The following COL9A1 variants were observed in gnomAD, a reference collection of about 807,000 sequenced individuals.
COL9A1 encodes the protein collagen alpha-1(IX) chain.
A neutral mutation model predicts 142.6 loss-of-function variants in COL9A1; 104 were observed. That is an observed-to-expected ratio of 0.73 (90% confidence interval 0.62 to 0.86). The LOEUF is 0.86. Ranked by LOEUF, COL9A1 falls within the 40% of genes least tolerant of loss-of-function variation. The pLI is 0.00. For synonymous variants in COL9A1, 466 were observed against 396.0 expected (o/e 1.18, Z -2.10); for missense variants, 1,210 against 1,176.6 (o/e 1.03, Z -0.42).
chr6:70,302,807 G>T, intron 1 of COL9A1, 104 bp downstream of exon 1: 1 of 1,244,112 alleles, frequency 8.0e-7, no homozygotes, highest in Non-Finnish European at 1.2e-6. Flanking sequence ...TCACCTTGAG[G>T]CTCACCTACT....
chr6:70,275,363 T>TA (rs766148487), intron 10 of COL9A1, among the ~76,000 whole-genome samples: 13 of 152,176 alleles, frequency 8.5e-5, no homozygotes, highest in Non-Finnish European at 1.8e-4. Flanking sequence ...ATTCTTAAAG[T>TA]AGAAACATTT....
At chr6:70,261,159 A>G (rs937927996) in intron 19 of COL9A1, 6 of 169,682 alleles carry the variant, frequency 3.5e-5, no homozygotes, top group African/African-American at 1.4e-4. Context: ...AGGCTAGCCC[A>G]CGAAAGCCTA....
At chr6:70,223,197 A>G (rs372302835) in intron 37 of COL9A1, among the ~76,000 whole-genome samples, 1 of 152,176 alleles carries the variant, frequency 6.6e-6, no homozygotes, top group African/African-American at 2.4e-5. Context: ...CTGGGGCCCA[A>G]CTTTGCCCTC....
chr6:70,234,846 C>A lies in COL9A1; in HGVS notation c.2207G>T (p.Gly736Val). The A allele has an allele frequency of 1.9e-6, 3 of 1,614,166 alleles. No individual in the cohort carries two copies. Among genetic ancestry groups the A allele is most frequent in the Non-Finnish European group, 2.5e-6 (3 of 1,180,018 alleles). The change falls in exon 34 of 38, where the codon GGT (glycine) becomes GTT (valine). Residue 736 changes from glycine to valine, a missense_variant. Physicochemically the swap from Gly to Val is moderately radical, Grantham distance 109. Coordinates refer to ENST00000357250, the MANE Select transcript of COL9A1 (RefSeq NM_001851.6). ...EGPRGPPGPRGVQGEQGATGL... is the reference protein window; with the variant it reads ...EGPRGPPGPRVVQGEQGATGL... ...GGTGGCACCCTGTTCTCCCTGCACACCCCGGGGTCCAGGTGGTCCTCTTGG... is the reference window on the plus strand; with the variant it reads ...GGTGGCACCCTGTTCTCCCTGCACAACCCGGGGTCCAGGTGGTCCTCTTGG...
chr6:70,267,577 C>A (rs1463350649), intron 17 of COL9A1, among the ~76,000 whole-genome samples: 1 of 151,974 alleles, frequency 6.6e-6, no homozygotes, highest in Admixed American at 6.6e-5. Flanking sequence ...CCACCTCGGC[C>A]TCCCAAAGTG....
At chr6:70,233,886 T>C (rs920787296) in intron 35 of COL9A1, among the ~76,000 whole-genome samples, 14 of 152,240 alleles carry the variant, frequency 9.2e-5, no homozygotes, top group Non-Finnish European at 1.9e-4. Flanking sequence ...GCTTCAGTGT[T>C]ACAGAACTCC....
rs150615246 is a variant in COL9A1, at chr6:70,238,467, C to T, written c.2112+787G>A. On this transcript the variant is annotated intron_variant, in intron 33 of 37. Coordinates refer to ENST00000357250, the MANE Select transcript of COL9A1 (RefSeq NM_001851.6). ...CAAAAATGAACAAGATCGTTTTCTA[C>T]TTCTAATAATTTGCTATTATATTTT... Among the ~76,000 whole-genome samples, 564 of 152,314 alleles carry T rather than the reference C, an allele frequency of 3.7e-3. 6 individuals carry two copies. Among genetic ancestry groups the T allele is most frequent in the African/African-American group, 0.012 (485 of 41,558 alleles).
intron 5 of COL9A1, among the ~76,000 whole-genome samples, chr6:70,285,996 C>G (rs1226781487): frequency 6.6e-6 from 1 of 152,158 alleles, no homozygotes; most frequent in Non-Finnish European, 1.5e-5. Flanking sequence ...TCAGGCGATT[C>G]TCCTGCCTCA....
chr6:70,269,705 A>C, intron 15 of COL9A1, 40 bp from the exon 16 acceptor site: 1 of 1,314,884 alleles, frequency 7.6e-7, no homozygotes, highest in Non-Finnish European at 1.1e-6. Flanking sequence ...ATACAATTAA[A>C]TAATGAATTC....
intron 20 of COL9A1, among the ~76,000 whole-genome samples, chr6:70,257,688 GT>G (rs1562308091): frequency 6.6e-6 from 1 of 152,144 alleles, no homozygotes; most frequent in East Asian, 1.9e-4. Context: ...AGGAGATTGC[GT>G]TGAGTGGAGA....
chr6:70,281,308 A>C (rs1773146501), intron 8 of COL9A1, 82 bp downstream of exon 8: 1 of 1,414,176 alleles, frequency 7.1e-7, no homozygotes, highest in Admixed American at 2.2e-5. Context: ...CTGAAAAAAA[A>C]AAAAACCCCA....
chr6:70,271,708 C>G lies in COL9A1; in HGVS notation c.1090G>C (p.Gly364Arg). ...GGGAGTCCTGCTGTCCCAGGAGGAC[C>G]CTGAAGTCAACAAATCAAAGCAAAT... ...FPGRGIPGPP[G>R]PPGTAGLPGE... is the part of the protein sequence containing the mutation. The change falls in exon 14 of 38, where the codon GGT (glycine) becomes CGT (arginine). Residue 364 changes from glycine to arginine, a missense_variant and splice_region_variant. Gly to Arg is a moderately radical substitution (Grantham distance 125). Transcript: ENST00000357250. 2 of 1,613,332 alleles carry G rather than the reference C, an allele frequency of 1.2e-6. No homozygotes were observed. Among genetic ancestry groups the G allele is most frequent in the Non-Finnish European group, 1.7e-6 (2 of 1,179,626 alleles).
chr6:70,299,290 C>T (rs1362883537), intron 4 of COL9A1, among the ~76,000 whole-genome samples: 1 of 151,760 alleles, frequency 6.6e-6, no homozygotes, highest in African/African-American at 2.4e-5. Flanking sequence ...AACTTAATTT[C>T]TATTGAAGTC....
At chr6:70,260,851 CA>C (rs1353995227) in intron 19 of COL9A1, 141 bp from the exon 20 acceptor site, 3 of 689,998 alleles carry the variant, frequency 4.3e-6, no homozygotes, top group Non-Finnish European at 4.8e-6. Flanking sequence ...TATATATAGA[CA>C]AACATTTCTA....
rs10587444 is a variant in COL9A1 at position 70,240,594 on chromosome 6, T to TATATATAC, written c.2079+94_2079+95insGTATATAT. The TATATATAC allele has an allele frequency of 3.9e-4, 252 of 643,392 alleles. 1 individual carries two copies. The highest frequency in any genetic ancestry group is 4.5e-4 in the Middle Eastern group (1 of 2,222). 39.9% of individuals were successfully genotyped at this position (643,392 alleles called of 1,614,324 possible). A position where few individuals can be genotyped will look rare whatever the true frequency, so the allele number is the denominator to read the frequency against. On this transcript the variant is annotated intron_variant, in intron 32 of 37. Transcript: ENST00000357250. ...GAAAATAAGAATATATATATATATA[T>TATATATAC]ACCAATTTTGAACTGTGTTAGAAGT... is the stretch of plus-strand genomic sequence containing the variant.
At position 70,229,473 on chromosome 6, in the gene COL9A1, T is replaced by C. The variant is rs192411442; in HGVS notation, c.2503+3110A>G. 1.2e-3 allele frequency among the ~76,000 whole-genome samples: 188 copies of C among 152,314 alleles called. 4 individuals carry two copies. Among genetic ancestry groups the C allele is most frequent in the Non-Finnish European group, 2.5e-4 (17 of 67,990 alleles). On this transcript the variant is annotated intron_variant, in intron 36 of 37. Transcript: ENST00000357250. ...TTCTCATTGCTCTATAGTTGCTATT[T>C]ATTTCATTTATTCATGAGCTATAAT... is the stretch of plus-strand genomic sequence containing the variant.
At chr6:70,226,315 C>A (rs1769226834) in intron 36 of COL9A1, among the ~76,000 whole-genome samples, 1 of 152,150 alleles carries the variant, frequency 6.6e-6, no homozygotes. Context: ...AAAAATATAT[C>A]TATCTCAACC....
intron 37 of COL9A1, among the ~76,000 whole-genome samples, chr6:70,217,470 G>T (rs1768598949): frequency 6.6e-6 from 1 of 152,136 alleles, no homozygotes; most frequent in African/African-American, 2.4e-5. Context: ...ATGTAAAATA[G>T]TTCATTAATA....
intron 21 of COL9A1, among the ~76,000 whole-genome samples, chr6:70,256,202 T>C (rs1771282732): frequency 6.6e-6 from 1 of 152,226 alleles, no homozygotes; most frequent in African/African-American, 2.4e-5. Flanking sequence ...TTTGATCTTG[T>C]ATAGTTTATC....
Sources: allele counts gnomAD v4.1 joint callset (sites outside exome capture counted in the v4.1 genomes callset), GRCh38; gene constraint gnomAD v4.1.1; transcripts MANE v1.5; gene names NCBI Gene and HGNC (gene_info 2026-07-23, HGNC 2026-07-21).